Variants in DAPP1 observed in about 807,000 individuals in gnomAD.
DAPP1 encodes dual adapter for phosphotyrosine and 3-phosphotyrosine and 3-phosphoinositide.
Under a neutral mutation model 41.5 loss-of-function variants are expected in DAPP1, and 20 were observed. The ratio of observed to expected loss-of-function variants is 0.48; its 90% confidence interval spans 0.34 to 0.70. DAPP1 has a LOEUF of 0.70. Ranked by LOEUF, DAPP1 falls within the 30% of genes least tolerant of loss-of-function variation. The pLI is 0.01. For missense variants in DAPP1, 233 were observed against 333.4 expected (o/e 0.70, Z 2.35); for synonymous variants, 113 against 116.2 (o/e 0.97, Z 0.18).
chr4:99,842,096 C>G (rs1028909955), intron 3 of DAPP1, among the ~76,000 whole-genome samples: 2 of 152,232 alleles, frequency 1.3e-5, no homozygotes, highest in Non-Finnish European at 2.9e-5. Flanking sequence ...ATCCAATCAT[C>G]AGGCAAGAGG....
chr4:99,868,991 T>C lies in DAPP1; in HGVS notation c.*806T>C, dbSNP rs1213045981. 1 of 152,206 alleles carries C rather than the reference T, an allele frequency of 6.6e-6. No homozygotes were observed. The highest frequency in any genetic ancestry group is 1.5e-5 in the Non-Finnish European group (1 of 68,042). The allele number at this position is 152,206 out of a possible 1,614,324, so 9.4% of individuals were successfully genotyped here. On this transcript the variant is annotated 3_prime_UTR_variant, in exon 9 of 9. Coordinates refer to ENST00000512369, the MANE Select transcript of DAPP1 (RefSeq NM_014395.3). ...TTAGTTTAATAATAATTATTGTTAT[T>C]ATACTACTAATAATAGAGCACTTGT...
At chr4:99,828,032 A>G (rs867580685) in intron 1 of DAPP1, among the ~76,000 whole-genome samples, 1 of 152,256 alleles carries the variant, frequency 6.6e-6, no homozygotes. Context: ...CTAACCATGA[A>G]TCATGAACAT....
intron 3 of DAPP1, 55 bp downstream of exon 3, chr4:99,840,477 G>C: frequency 6.5e-7 from 1 of 1,549,824 alleles, no homozygotes; most frequent in Non-Finnish European, 8.7e-7. Flanking sequence ...ATGGAGGAGA[G>C]ACAAGGCAGA....
intron 1 of DAPP1, among the ~76,000 whole-genome samples, chr4:99,830,924 C>G (rs1560690627): frequency 1.3e-5 from 2 of 152,120 alleles, no homozygotes; most frequent in Admixed American, 6.6e-5. Flanking sequence ...AAGAAATTAG[C>G]TATTTTCTTT....
At chr4:99,818,709 A>G (rs1433192991) in intron 1 of DAPP1, among the ~76,000 whole-genome samples, 1 of 152,142 alleles carries the variant, frequency 6.6e-6, no homozygotes, top group Admixed American at 6.5e-5. Flanking sequence ...GGGTACATTC[A>G]TGGCCAGATT....
intron 4 of DAPP1, among the ~76,000 whole-genome samples, chr4:99,853,783 C>A (rs1723950929): frequency 6.6e-6 from 1 of 152,222 alleles, no homozygotes; most frequent in Non-Finnish European, 1.5e-5. Flanking sequence ...TGTGCCACTG[C>A]ACTCCAGTCT....
rs1378723590 is a variant in DAPP1 at position 99,853,345 on chromosome 4, T to C, written c.486T>C (p.Pro162=). The change falls in exon 4 of 9, where the codon CCT becomes CCC. Residue 162 remains proline (P), a synonymous_variant. Transcript: ENST00000512369. ...AAGATGACCTTGTGCCCACAGCACC[T>C]TCTGTAAGTGACCTTCAACGTGACC... ...RTEDDLVPTA[P]SLGTKEGYLT... 6.2e-7 allele frequency: 1 copy of C among 1,607,432 alleles called. No homozygotes were observed. The highest frequency in any genetic ancestry group is 1.3e-5 in the African/African-American group (1 of 74,946).
chr4:99,859,706 A>G (rs747127905), intron 4 of DAPP1, among the ~76,000 whole-genome samples: 115 of 152,116 alleles, frequency 7.6e-4, no homozygotes, highest in Non-Finnish European at 1.4e-3. Context: ...TCATGCTTCA[A>G]TGCTCAGTTC....
Position 99,868,120 on chromosome 4 carries a change from C to T in DAPP1, c.778C>T (p.Gln260Ter), listed in dbSNP as rs1243107994. 3 of 1,613,616 alleles carry T rather than the reference C, an allele frequency of 1.9e-6. No individual in the cohort carries two copies. Among genetic ancestry groups the T allele is most frequent in the Non-Finnish European group, 2.5e-6 (3 of 1,179,616 alleles). ...ACGTGTGTGTACTTTATTACAGTCA[C>T]AAATAAGAAAACAGCTCAACCAAGG... ...WIKILRWKLSQIRKQLNQGEG... is the reference protein window; with the variant it reads ...WIKILRWKLS The change falls in exon 9 of 9, where the codon CAA becomes TAA. Residue 260 changes from glutamine (Q) to a stop codon, truncating the protein, a stop_gained. Coordinates refer to ENST00000512369, the MANE Select transcript of DAPP1 (RefSeq NM_014395.3). LOFTEE classifies it high-confidence loss of function.
chr4:99,853,413 G>A, intron 4 of DAPP1, 65 bp downstream of exon 4: 1 of 1,531,108 alleles, frequency 6.5e-7, no homozygotes, highest in Non-Finnish European at 8.8e-7. Flanking sequence ...TTCAATAAAA[G>A]TTAATAAGAG....
intron 4 of DAPP1, among the ~76,000 whole-genome samples, chr4:99,855,450 A>T (rs1000388482): frequency 1.3e-5 from 2 of 152,308 alleles, no homozygotes; most frequent in African/African-American, 2.4e-5. Context: ...TTTAAAGCAC[A>T]TTCTGGAAAC....
At chr4:99,852,147 G>A (rs1327998655) in intron 3 of DAPP1, among the ~76,000 whole-genome samples, 2 of 151,802 alleles carry the variant, frequency 1.3e-5, no homozygotes, top group African/African-American at 4.8e-5. Flanking sequence ...ACATAAGCTC[G>A]ATAAGAGCAT....
chr4:99,840,232 C>T, intron 2 of DAPP1, 57 bp from the exon 3 acceptor site: 1 of 1,228,484 alleles, frequency 8.1e-7, no homozygotes, highest in Non-Finnish European at 1.1e-6. Flanking sequence ...ATCATATTTC[C>T]CTTCAACAAG....
intron 1 of DAPP1, among the ~76,000 whole-genome samples, chr4:99,825,932 C>T (rs1028100153): frequency 6.6e-6 from 1 of 152,184 alleles, no homozygotes; most frequent in South Asian, 2.1e-4. Flanking sequence ...TTACATAAGA[C>T]ACCCTAAACC....
At chr4:99,855,647 C>T (rs576722917) in intron 4 of DAPP1, among the ~76,000 whole-genome samples, 2 of 152,328 alleles carry the variant, frequency 1.3e-5, no homozygotes, top group South Asian at 4.1e-4. Context: ...CCTAGAGGAT[C>T]TGAAATGTTT....
At chr4:99,861,245 G>A (rs1032286283) in intron 4 of DAPP1, among the ~76,000 whole-genome samples, 1 of 152,252 alleles carries the variant, frequency 6.6e-6, no homozygotes, top group East Asian at 1.9e-4. Flanking sequence ...AGATGTGTGC[G>A]TGTTTATGTG....
chr4:99,834,597 G>A lies in DAPP1; in HGVS notation c.102-1026G>A, dbSNP rs143888116. Among the ~76,000 whole-genome samples the A allele has an allele frequency of 3.2e-3, 490 of 152,158 alleles. 4 individuals carry two copies. Among genetic ancestry groups the A allele is most frequent in the African/African-American group, 0.011 (459 of 41,510 alleles). Reference sequence around the variant, plus strand: ...AGTATTATAGCACAGAGGTTTCGCCGTGAAAAGGTACCACACTTGAAAAAG... The same window carrying A: ...AGTATTATAGCACAGAGGTTTCGCCATGAAAAGGTACCACACTTGAAAAAG... On this transcript the variant is annotated intron_variant, in intron 1 of 8. Transcript: ENST00000512369.
At chr4:99,831,794 G>A (rs1723128652) in intron 1 of DAPP1, among the ~76,000 whole-genome samples, 1 of 151,982 alleles carries the variant, frequency 6.6e-6, no homozygotes. Flanking sequence ...CCGATCTGGT[G>A]GATAAAGAAA....
At chr4:99,859,087 A>T (rs553080895) in intron 4 of DAPP1, among the ~76,000 whole-genome samples, 4 of 150,094 alleles carry the variant, frequency 2.7e-5, no homozygotes, top group African/African-American at 9.8e-5. Context: ...TCATTTTTTT[A>T]TTTTTTTTTG....
Sources: gnomAD v4.1 joint callset for allele counts (sites outside exome capture counted in the v4.1 genomes callset) on GRCh38, gnomAD v4.1.1 for gene constraint, MANE v1.5 for transcripts, NCBI Gene and HGNC (gene_info 2026-07-23, HGNC 2026-07-21) for gene names.